The following AKAP13 variants were observed in gnomAD, a reference collection of about 807,000 sequenced individuals.
The protein encoded by AKAP13 is A-kinase anchoring protein 13, also known as A-kinase anchor protein 13.
AKAP13 carries 80 observed loss-of-function variants against 264.5 expected under a neutral mutation model. The observed-to-expected ratio is 0.30, with a 90% CI of 0.25 to 0.36. AKAP13 has a LOEUF of 0.36. Ranked by LOEUF, AKAP13 falls within the 10% of genes least tolerant of loss-of-function variation. AKAP13 has a pLI of 1.00. For missense variants in AKAP13, 3,712 were observed against 3,435.2 expected (o/e 1.08, Z -2.01); for synonymous variants, 1,380 against 1,250.2 (o/e 1.10, Z -2.19).
intron 5 of AKAP13, among the ~76,000 whole-genome samples, chr15:85,559,268 A>G (rs982452989): frequency 3.7e-4 from 56 of 152,316 alleles, no homozygotes; most frequent in African/African-American, 1.2e-3. Flanking sequence ...GAGACAACAC[A>G]AGTTCTGACA....
At chr15:85,475,549 T>C (rs2075130878) in intron 1 of AKAP13, among the ~76,000 whole-genome samples, 1 of 152,220 alleles carries the variant, frequency 6.6e-6, no homozygotes. Flanking sequence ...ATCCTAAGTA[T>C]AGTGTTAAGT....
At chr15:85,385,300 A>T (rs2070501976) in intron 1 of AKAP13, among the ~76,000 whole-genome samples, 1 of 146,012 alleles carries the variant, frequency 6.8e-6, no homozygotes, top group African/African-American at 2.4e-5. Context: ...TAGTTGATTA[A>T]GAAAAATTTT....
intron 3 of AKAP13, among the ~76,000 whole-genome samples, chr15:85,527,654 C>G (rs1273669883): frequency 6.6e-6 from 1 of 152,176 alleles, no homozygotes; most frequent in Non-Finnish European, 1.5e-5. Flanking sequence ...TCTTTGTTCT[C>G]TTCTGATTAA....
intron 1 of AKAP13, among the ~76,000 whole-genome samples, chr15:85,419,366 G>A (rs78246110): frequency 6.6e-6 from 1 of 152,204 alleles, no homozygotes; most frequent in Non-Finnish European, 1.5e-5. Flanking sequence ...AAGACTCACC[G>A]ATCATACTGA....
chr15:85,483,092 C>A (rs770517286), intron 1 of AKAP13, among the ~76,000 whole-genome samples: 2 of 152,212 alleles, frequency 1.3e-5, no homozygotes, highest in Non-Finnish European at 2.9e-5. Context: ...TCTTAGAGCC[C>A]TCTAAGTTTG....
chr15:85,451,484 AGT>A lies in AKAP13; in HGVS notation c.-11-34221_-11-34220del, dbSNP rs1343474906. Among the ~76,000 whole-genome samples, 6 of 152,102 alleles carry A rather than the reference AGT, an allele frequency of 3.9e-5. No individual in the cohort carries two copies. The East Asian group carries it at 9.7e-4, about 24-fold the overall frequency. On this transcript the variant is annotated intron_variant, in intron 1 of 36. Transcript: ENST00000394518. The stretch of plus-strand genomic sequence containing the variant: ...ACAGTGATACTGGTGTCTGTGTTTA[AGT>A]GTGTTTTTGTATTAACTGGTAGCGG...
chr15:85,739,425 A>G (rs2088795959), intron 33 of AKAP13, among the ~76,000 whole-genome samples: 1 of 152,068 alleles, frequency 6.6e-6, no homozygotes, highest in African/African-American at 2.4e-5. Context: ...TCTAATGTAA[A>G]TTGCTGGTTT....
chr15:85,718,914 A>G lies in AKAP13; in HGVS notation c.6002-162A>G, dbSNP rs1383792365. On this transcript the variant is annotated intron_variant, in intron 22 of 36. Transcript: ENST00000394518. This position sits in a 1 kb window ranked among gnomAD's most constrained non-coding sequence, Gnocchi z 4.9. The stretch of plus-strand genomic sequence containing the variant: ...AACCTGTCTTAAAAAAAAAACAAAA[A>G]AACAAAAAAACGAGAACACTTTTAG... The G allele has an allele frequency of 4.7e-6, 5 of 1,065,448 alleles. No homozygotes were observed. The highest frequency in any genetic ancestry group is 1.6e-5 in the African/African-American group (1 of 62,408). The allele number at this position is 1,065,448 out of a possible 1,614,324, so 66.0% of individuals were successfully genotyped here.
intron 1 of AKAP13, among the ~76,000 whole-genome samples, chr15:85,389,222 G>C (rs980791642): frequency 6.6e-6 from 1 of 152,000 alleles, no homozygotes; most frequent in African/African-American, 2.4e-5. Context: ...TTTTCATACA[G>C]CTCCCTCCTC....
In AKAP13 at chr15:85,740,501, T is replaced by C. The variant is rs137901408; in HGVS notation, c.7608+229T>C. 949 of 525,914 alleles carry C rather than the reference T, an allele frequency of 1.8e-3. 5 individuals carry two copies. Among genetic ancestry groups the C allele is most frequent in the Non-Finnish European group, 2.2e-3 (636 of 294,444 alleles). The allele number at this position is 525,914 out of a possible 1,614,324, so 32.6% of individuals were successfully genotyped here. A position where few individuals can be genotyped will look rare whatever the true frequency, so the allele number is the denominator to read the frequency against. ...CGTAGGCATGGCTTGATAACCATGC[T>C]ACAAATCACATAGCATGCTAACATG... On this transcript the variant is annotated intron_variant, in intron 34 of 36. Coordinates refer to ENST00000394518, the MANE Select transcript of AKAP13 (RefSeq NM_007200.5).
intron 33 of AKAP13, among the ~76,000 whole-genome samples, chr15:85,737,764 AGTAGCTGGGACTAC>A (rs2088647403): frequency 6.6e-6 from 1 of 152,096 alleles, no homozygotes; most frequent in Non-Finnish European, 1.5e-5. Flanking sequence ...CGGCCTCCAG[AGTAGCTGGGACTAC>A]AGGCCCGCAC....
chr15:85,437,569 C>T (rs958346847), intron 1 of AKAP13, among the ~76,000 whole-genome samples: 1 of 151,916 alleles, frequency 6.6e-6, no homozygotes, highest in Non-Finnish European at 1.5e-5. Flanking sequence ...CAAAAATCCT[C>T]AATAAAATAC....
At chr15:85,645,691 G>GA in intron 9 of AKAP13, 127 bp from the exon 10 acceptor site, 1 of 993,296 alleles carries the variant, frequency 1.0e-6, no homozygotes, top group Non-Finnish European at 1.4e-6. Flanking sequence ...AGGAGGGAAG[G>GA]AAGAGAAAAG....
intron 9 of AKAP13, among the ~76,000 whole-genome samples, chr15:85,643,350 G>C (rs372686802): frequency 3.9e-5 from 6 of 152,224 alleles, no homozygotes; most frequent in African/African-American, 1.4e-4. Context: ...AGTAGAAAAA[G>C]TAATTTTATT....
chr15:85,539,795 T>G (rs2077524561), intron 4 of AKAP13, among the ~76,000 whole-genome samples: 1 of 152,152 alleles, frequency 6.6e-6, no homozygotes, highest in African/African-American at 2.4e-5. Context: ...TAAGTATGGT[T>G]AAACAGGATA....
At chr15:85,386,536 ACC>A (rs2070571192) in intron 1 of AKAP13, among the ~76,000 whole-genome samples, 2 of 149,958 alleles carry the variant, frequency 1.3e-5, no homozygotes, top group South Asian at 4.2e-4. Context: ...TGAGCCACCC[ACC>A]GCAGCCTCCC....
Position 85,578,981 on chromosome 15 carries a change from C to T in AKAP13, c.913C>T (p.Gln305Ter), listed in dbSNP as rs1358720462. ...TCTTATGCCCTTAATGATGACAGCA[C>T]AGGATCCTTCCAGTGCCCCAGAGAC... ...DSLMPLMMTA[Q>*]DPSSAPETDG... Residue 305 changes from glutamine (Q) to a stop codon, truncating the protein, a stop_gained, in exon 7 of 37, where the codon CAG becomes TAG. Coordinates refer to ENST00000394518, the MANE Select transcript of AKAP13 (RefSeq NM_007200.5). LOFTEE classifies it high-confidence loss of function. The T allele has an allele frequency of 6.2e-7, 1 of 1,613,952 alleles. No homozygotes were observed.
intron 1 of AKAP13, among the ~76,000 whole-genome samples, chr15:85,439,257 A>G (rs1279996408): frequency 2.7e-5 from 4 of 147,468 alleles, no homozygotes; most frequent in African/African-American, 7.5e-5. Context: ...ATGCAAATCA[A>G]AACCACAATG....
intron 5 of AKAP13, among the ~76,000 whole-genome samples, chr15:85,549,089 A>G (rs1340448975): frequency 6.6e-6 from 1 of 152,064 alleles, no homozygotes; most frequent in East Asian, 1.9e-4. Context: ...CTTCAGGGAA[A>G]TTTTACCAGA....
Sources: allele counts gnomAD v4.1 joint callset (sites outside exome capture counted in the v4.1 genomes callset), GRCh38; gene constraint gnomAD v4.1.1; non-coding constraint Gnocchi (gnomAD v3.1); transcripts MANE v1.5; gene names NCBI Gene and HGNC (gene_info 2026-07-23, HGNC 2026-07-21).